Variants in PRKG1 observed in about 807,000 individuals in gnomAD.
PRKG1 encodes protein kinase cGMP-dependent 1.
Under a neutral mutation model 88.1 loss-of-function variants are expected in PRKG1, and 35 were observed. The observed-to-expected ratio is 0.40, with a 90% CI of 0.30 to 0.53. The LOEUF is 0.53. Among genes scored for constraint, PRKG1 ranks in the 20% least tolerant of loss-of-function variants. The pLI is 0.59. For synonymous variants in PRKG1, 303 were observed against 292.5 expected (o/e 1.04, Z -0.37); for missense variants, 540 against 839.8 (o/e 0.64, Z 4.41).
At chr10:52,031,305 A>G (rs960659215) in intron 5 of PRKG1, among the ~76,000 whole-genome samples, 1 of 152,172 alleles carries the variant, frequency 6.6e-6, no homozygotes, top group Non-Finnish European at 1.5e-5. Flanking sequence ...TTCAGGGAAT[A>G]ATATAATTCA....
chr10:51,718,377 C>G (rs575327800), intron 3 of PRKG1, among the ~76,000 whole-genome samples: 1 of 152,226 alleles, frequency 6.6e-6, no homozygotes, highest in South Asian at 2.1e-4. Context: ...TGTGGCTATG[C>G]TACTGTGGGC....
At chr10:52,127,558 G>A (rs1178244903) in intron 7 of PRKG1, among the ~76,000 whole-genome samples, 3 of 152,226 alleles carry the variant, frequency 2.0e-5, no homozygotes, top group East Asian at 1.9e-4. Flanking sequence ...AGAAGGTGGT[G>A]TCAGAAAATA....
At chr10:51,254,940 GC>G (rs1454663582) in intron 2 of PRKG1, among the ~76,000 whole-genome samples, 1 of 151,972 alleles carries the variant, frequency 6.6e-6, no homozygotes, top group Non-Finnish European at 1.5e-5. Context: ...AGGACAGAAT[GC>G]CCCAAATAAT....
At chr10:51,554,095 ATAT>A (rs1201083627) in intron 3 of PRKG1, among the ~76,000 whole-genome samples, 1 of 139,518 alleles carries the variant, frequency 7.2e-6, no homozygotes, top group African/African-American at 2.8e-5. Flanking sequence ...ATACGTGTAT[ATAT>A]TATATGTGCG....
intron 1 of PRKG1, among the ~76,000 whole-genome samples, chr10:51,016,673 C>CTTCTTTCTTTTTTTTTT (rs1564571435): frequency 1.6e-3 from 55 of 35,186 alleles, no homozygotes; most frequent in South Asian, 6.7e-3. Flanking sequence ...ATTATCCTTT[C>CTTCTTTCTTTTTTTTTT]TTTTTTTTTT....
intron 2 of PRKG1, among the ~76,000 whole-genome samples, chr10:51,278,163 AG>A (rs1456375678): frequency 6.6e-6 from 1 of 152,178 alleles, no homozygotes; most frequent in African/African-American, 2.4e-5. Context: ...TTTAGCATGA[AG>A]GGCTGTTGAA....
At chr10:51,550,895 G>A (rs1379272083) in intron 3 of PRKG1, among the ~76,000 whole-genome samples, 1 of 151,878 alleles carries the variant, frequency 6.6e-6, no homozygotes, top group African/African-American at 2.4e-5. Flanking sequence ...AACCCTAAAT[G>A]ACAATGCAAA....
intron 4 of PRKG1, among the ~76,000 whole-genome samples, chr10:51,879,775 T>C (rs1841390683): frequency 6.6e-6 from 1 of 152,142 alleles, no homozygotes; most frequent in Admixed American, 6.6e-5. Context: ...TCAACTGCAG[T>C]TTTTCCTAGA....
intron 2 of PRKG1, among the ~76,000 whole-genome samples, chr10:51,338,262 C>A (rs984781999): frequency 6.6e-6 from 1 of 152,050 alleles, no homozygotes; most frequent in African/African-American, 2.4e-5. Flanking sequence ...CTAATGCATT[C>A]TGGCCATACC....
intron 2 of PRKG1, among the ~76,000 whole-genome samples, chr10:51,263,640 C>T (rs10490973): frequency 0.12 from 18,970 of 152,130 alleles, 1,762 homozygotes; most frequent in African/African-American, 0.26. Context: ...TGTTCTTATC[C>T]GAAAGTTACT....
At chr10:51,729,819 CAA>C (rs1564624202) in intron 3 of PRKG1, among the ~76,000 whole-genome samples, 2 of 148,182 alleles carry the variant, frequency 1.3e-5, no homozygotes, top group African/African-American at 2.5e-5. Context: ...GTGATGTTTT[CAA>C]ATGCACTTAT....
intron 2 of PRKG1, among the ~76,000 whole-genome samples, chr10:51,191,473 A>G (rs1184118789): frequency 1.3e-5 from 2 of 151,876 alleles, no homozygotes; most frequent in African/African-American, 4.8e-5. Context: ...GTAAGCATTC[A>G]AAATATAATT....
At chr10:52,147,477 C>T (rs1045405526) in intron 8 of PRKG1, among the ~76,000 whole-genome samples, 4 of 152,150 alleles carry the variant, frequency 2.6e-5, no homozygotes, top group Non-Finnish European at 5.9e-5. Context: ...TCAGAAAGAC[C>T]CAGTGACTTG....
intron 8 of PRKG1, among the ~76,000 whole-genome samples, chr10:52,141,757 G>A (rs1837587503): frequency 6.6e-6 from 1 of 152,126 alleles, no homozygotes; most frequent in Non-Finnish European, 1.5e-5. Flanking sequence ...GTTAAAAAAT[G>A]TATATGGTAA....
intron 3 of PRKG1, among the ~76,000 whole-genome samples, chr10:51,747,416 A>C (rs781501909): frequency 6.6e-6 from 1 of 152,182 alleles, no homozygotes; most frequent in Non-Finnish European, 1.5e-5. Flanking sequence ...CCATTTGCTC[A>C]TGTTCTGCCC....
At chr10:51,082,126 G>C (rs921205992) in intron 1 of PRKG1, among the ~76,000 whole-genome samples, 42 of 152,146 alleles carry the variant, frequency 2.8e-4, no homozygotes, top group African/African-American at 8.4e-4. Context: ...CAATTTCACA[G>C]CATGAGAAAA....
At chr10:51,017,155 A>G (rs1479795960) in intron 1 of PRKG1, among the ~76,000 whole-genome samples, 1 of 152,010 alleles carries the variant, frequency 6.6e-6, no homozygotes, top group Non-Finnish European at 1.5e-5. Flanking sequence ...TCTCCTCTAA[A>G]AAGCCTTCCA....
At chr10:51,168,748 G>T (rs1441642371) in intron 2 of PRKG1, among the ~76,000 whole-genome samples, 1 of 152,154 alleles carries the variant, frequency 6.6e-6, no homozygotes, top group African/African-American at 2.4e-5. Context: ...TGTTACAAAA[G>T]AAATGTCTCT....
chr10:52,028,562 C>T (rs1041639370), intron 5 of PRKG1, among the ~76,000 whole-genome samples: 4 of 152,178 alleles, frequency 2.6e-5, no homozygotes, highest in African/African-American at 9.6e-5. Flanking sequence ...TCTCATTGTT[C>T]TGTATAACAT....
Sources: allele counts gnomAD v4.1 joint callset (sites outside exome capture counted in the v4.1 genomes callset), GRCh38; gene constraint gnomAD v4.1.1; transcripts MANE v1.5; gene names NCBI Gene and HGNC (gene_info 2026-07-23, HGNC 2026-07-21).